Variants in AARS1 observed in about 807,000 individuals in gnomAD.
The protein encoded by AARS1 is alanyl-tRNA synthetase 1.
A neutral mutation model predicts 108.9 loss-of-function variants in AARS1; 72 were observed. The ratio of observed to expected loss-of-function variants is 0.66; its 90% CI spans 0.55 to 0.80. The LOEUF is 0.80. AARS1 is among the 30% of genes least tolerant of loss of function. AARS1 has a pLI of 0.00. For synonymous variants in AARS1, 489 were observed against 465.7 expected, an observed-to-expected ratio of 1.05 and a Z score of -0.64; for missense variants, 1,193 against 1,233.2, an observed-to-expected ratio of 0.97 and a Z score of 0.49.
Position 70,282,800 on chromosome 16 carries a change from A to T in AARS1, c.-21-16T>A, listed in dbSNP as rs745778376. 7.4e-6 allele frequency: 12 copies of T among 1,610,796 alleles called. No homozygotes were observed. Among genetic ancestry groups the T allele is most frequent in the Non-Finnish European group, 1.0e-5 (12 of 1,177,382 alleles). ...CCCCAAAGAACTAATCAAAGAAAAA[A>T]AAATGAAGGAAAATTAAGGGAATTG... On this transcript the variant is annotated splice_polypyrimidine_tract_variant and intron_variant, in intron 1 of 20. Transcript: ENST00000261772.
At chr16:70,275,202 G>A (rs1443583850) in intron 4 of AARS1, among the ~76,000 whole-genome samples, 1 of 152,122 alleles carries the variant, frequency 6.6e-6, no homozygotes, top group East Asian at 1.9e-4. Context: ...AGAGGTTACA[G>A]TGAGCCAAGA....
chr16:70,284,616 A>G (rs973773780), intron 1 of AARS1, among the ~76,000 whole-genome samples: 1 of 152,106 alleles, frequency 6.6e-6, no homozygotes. Flanking sequence ...AACAAAAACA[A>G]AAACAGCTCT....
Position 70,252,786 on chromosome 16 carries a change from G to A in AARS1, c.2842C>T (p.Leu948=). The A allele has an allele frequency of 1.2e-6, 2 of 1,614,212 alleles. No homozygotes were observed. The highest frequency in any genetic ancestry group is 1.7e-6 in the Non-Finnish European group (2 of 1,180,038). The change falls in exon 21 of 21, where the codon CTG becomes TTG. Residue 948 remains leucine (L), a synonymous_variant. Coordinates refer to ENST00000261772, the MANE Select transcript of AARS1 (RefSeq NM_001605.3). The part of the protein sequence containing the change: ...AQATGKNVGC[L]QEALQLATSF... ...GTGGCCAGCTGCAGCGCCTCCTGCA[G>A]GCAGCCAACGTTCTTGCCTGTGGCC...
At position 70,252,528 on chromosome 16, in the gene AARS1, G is replaced by T. The variant is rs922475941; in HGVS notation, c.*193C>A. 1 of 629,500 alleles carries T rather than the reference G, an allele frequency of 1.6e-6. No individual in the cohort carries two copies. Among genetic ancestry groups the T allele is most frequent in the Non-Finnish European group, 2.8e-6 (1 of 355,990 alleles). The allele number at this position is 629,500 out of a possible 1,614,324, so 39.0% of individuals were successfully genotyped here. ...AATGCGGGGTTAGTGGTTCTAGACC[G>T]ATGGCACTGACGTGGAGGGCTCAGG... On this transcript the variant is annotated 3_prime_UTR_variant, in exon 21 of 21. Transcript: ENST00000261772.
At chr16:70,253,473 C>CCTG in intron 19 of AARS1, 92 bp from the exon 20 acceptor site, 1 of 1,158,034 alleles carries the variant, frequency 8.6e-7, no homozygotes, top group Non-Finnish European at 1.3e-6. Flanking sequence ...TGCCACCCAC[C>CCTG]CCTACCCCTT....
intron 9 of AARS1, among the ~76,000 whole-genome samples, chr16:70,266,428 G>A (rs956659863): frequency 4.0e-5 from 6 of 151,886 alleles, no homozygotes; most frequent in African/African-American, 4.8e-5. Context: ...CCTGGGAGGC[G>A]GAGCTTGCAG....
rs1362942789 is a variant in AARS1 at position 70,282,738 on chromosome 16, T to C, written c.26A>G (p.Glu9Gly). The C allele has an allele frequency of 6.2e-7, 1 of 1,614,080 alleles. No homozygotes were observed. The highest frequency in any genetic ancestry group is 8.5e-7 in the Non-Finnish European group (1 of 1,180,026). MDSTLTAS[E>G]IRQRFIDFFK... Reference sequence around the variant, plus strand: ...GAAATCTATAAATCGCTGCCGGATTTCACTTGCTGTTAGAGTAGAGTCCAT... The same window carrying C: ...GAAATCTATAAATCGCTGCCGGATTCCACTTGCTGTTAGAGTAGAGTCCAT... The change falls in exon 2 of 21, where the codon GAA (glutamate) becomes GGA (glycine). Residue 9 changes from glutamate (E) to glycine (G), a missense_variant. Glu to Gly is a moderately conservative substitution (Grantham distance 98). Coordinates refer to ENST00000261772, the MANE Select transcript of AARS1 (RefSeq NM_001605.3).
At chr16:70,287,929 C>T (rs1408491878) in intron 1 of AARS1, among the ~76,000 whole-genome samples, 1 of 151,802 alleles carries the variant, frequency 6.6e-6, no homozygotes, top group Admixed American at 6.6e-5. Flanking sequence ...CCACACCTAG[C>T]TAATTTTGTA....
chr16:70,280,451 C>G (rs1174020048), intron 2 of AARS1, among the ~76,000 whole-genome samples: 1 of 152,190 alleles, frequency 6.6e-6, no homozygotes, highest in Non-Finnish European at 1.5e-5. Context: ...GATGTAATTA[C>G]AGGCGCACTG....
intron 1 of AARS1, among the ~76,000 whole-genome samples, chr16:70,283,439 G>A (rs1295063113): frequency 1.3e-5 from 2 of 151,934 alleles, no homozygotes; most frequent in African/African-American, 4.8e-5. Flanking sequence ...AAAAAAGGGG[G>A]AGAAAAACCC....
chr16:70,261,194 C>A, intron 12 of AARS1, 37 bp from the exon 13 acceptor site: 2 of 1,479,352 alleles, frequency 1.4e-6, no homozygotes, highest in South Asian at 2.3e-5. Context: ...TAAATAAATC[C>A]TTAAAAACAT....
At chr16:70,276,873 A>G (rs892033683) in intron 3 of AARS1, 93 bp downstream of exon 3, 18 of 1,443,990 alleles carry the variant, frequency 1.2e-5, no homozygotes, top group Non-Finnish European at 1.7e-5. Context: ...ATGATATTTC[A>G]TATTTTAAAA....
At position 70,252,854 on chromosome 16, in the gene AARS1, C is replaced by G. The variant is rs2152149412; in HGVS notation, c.2774G>C (p.Gly925Ala). ...GCCACCACCTTTACCGTCCATCAAGCCTGACACCTGCTGCACCCACTCGCT... is the reference window on the plus strand; with the variant it reads ...GCCACCACCTTTACCGTCCATCAAGGCTGACACCTGCTGCACCCACTCGCT... ...KASEWVQQVS[G>A]LMDGKGGGKD... Residue 925 changes from glycine to alanine, a missense_variant, in exon 21 of 21, where the codon GGC (glycine) becomes GCC (alanine). Gly to Ala is a moderately conservative substitution (Grantham distance 60, BLOSUM62 0). Transcript: ENST00000261772. 6.2e-7 allele frequency: 1 copy of G among 1,614,186 alleles called. No individual in the cohort carries two copies. Among genetic ancestry groups the G allele is most frequent in the Non-Finnish European group, 8.5e-7 (1 of 1,179,994 alleles).
chr16:70,262,256 T>C, intron 12 of AARS1, 90 bp downstream of exon 12: 1 of 1,512,032 alleles, frequency 6.6e-7, no homozygotes, highest in Non-Finnish European at 9.2e-7. Context: ...TCAGGTCTGC[T>C]CCCAAGGCCT....
intron 4 of AARS1, among the ~76,000 whole-genome samples, chr16:70,272,803 C>T: frequency 6.6e-6 from 1 of 151,086 alleles, no homozygotes; most frequent in African/African-American, 2.4e-5. Context: ...TACCTGTAGT[C>T]CCAGCTACTC....
At chr16:70,254,564 A>C in intron 17 of AARS1, 57 bp downstream of exon 17, 2 of 1,202,326 alleles carry the variant, frequency 1.7e-6, no homozygotes, top group African/African-American at 3.0e-5. Context: ...TTTCCTGAAG[A>C]CGGGGCATGT....
chr16:70,266,693 T>C lies in AARS1; in HGVS notation c.1222+966A>G, dbSNP rs558845000. ...CCCGCCATCATGCATGGCTAATTTT[T>C]GCATTTTTAGTAGAGATGGGGTTTT... On this transcript the variant is annotated intron_variant, in intron 9 of 20. Coordinates refer to ENST00000261772, the MANE Select transcript of AARS1 (RefSeq NM_001605.3). 7.9e-5 allele frequency among the ~76,000 whole-genome samples: 12 copies of C among 152,030 alleles called. No individual in the cohort carries two copies. The South Asian group carries it at 2.1e-3, about 26-fold the overall frequency.
intron 2 of AARS1, among the ~76,000 whole-genome samples, chr16:70,277,843 C>A (rs1036372742): frequency 6.6e-6 from 1 of 151,538 alleles, no homozygotes; most frequent in African/African-American, 2.4e-5. Flanking sequence ...ACCTCCATCT[C>A]CCGGGTTCAA....
At chr16:70,254,795 G>T in intron 16 of AARS1, 61 bp from the exon 17 acceptor site, 1 of 1,180,082 alleles carries the variant, frequency 8.5e-7, no homozygotes, top group Non-Finnish European at 1.3e-6. Flanking sequence ...ACTATCCTGT[G>T]TCTGAGCAGC....
Sources: gnomAD v4.1 joint callset for allele counts (sites outside exome capture counted in the v4.1 genomes callset) on GRCh38, gnomAD v4.1.1 for gene constraint, MANE v1.5 for transcripts, NCBI Gene and HGNC (gene_info 2026-07-23, HGNC 2026-07-21) for gene names.